The following LRRTM4 variants were observed in gnomAD, a reference collection of about 807,000 sequenced individuals.
LRRTM4 encodes leucine rich repeat transmembrane neuronal 4.
A neutral mutation model predicts 47.6 loss-of-function variants in LRRTM4; 25 were observed. The observed-to-expected ratio is 0.53, with a 90% CI of 0.38 to 0.73. LRRTM4 has a LOEUF of 0.73. LRRTM4 is among the 30% of genes least tolerant of loss of function. The pLI is 0.00. For synonymous variants in LRRTM4, 311 were observed against 269.5 expected (o/e 1.15, Z -1.51); for missense variants, 638 against 713.4 (o/e 0.89, Z 1.20).
chr2:77,371,601 A>G (rs139761838), intron 3 of LRRTM4, among the ~76,000 whole-genome samples: 519 of 151,926 alleles, frequency 3.4e-3, no homozygotes, highest in Non-Finnish European at 4.9e-3. Flanking sequence ...ATGACATAGA[A>G]TGAAGTGACC....
chr2:77,436,996 G>A (rs1296869174), intron 3 of LRRTM4, among the ~76,000 whole-genome samples: 1 of 151,718 alleles, frequency 6.6e-6, no homozygotes, highest in Non-Finnish European at 1.5e-5. Flanking sequence ...TTATCTATAA[G>A]AACTCTTATG....
At chr2:76,960,216 C>T (rs190313459) in intron 3 of LRRTM4, among the ~76,000 whole-genome samples, 236 of 151,654 alleles carry the variant, frequency 1.6e-3, no homozygotes, top group Middle Eastern at 6.8e-3. Context: ...TATAGAACAG[C>T]TATCTCGTGG....
chr2:76,994,464 T>G (rs1374394), intron 3 of LRRTM4, among the ~76,000 whole-genome samples: 40,298 of 151,526 alleles, frequency 0.27, 5,504 homozygotes, highest in East Asian at 0.41. Flanking sequence ...CTGATGTAAA[T>G]CAGCGTGAAG....
intron 3 of LRRTM4, among the ~76,000 whole-genome samples, chr2:77,038,756 C>T (rs966093238): frequency 4.6e-5 from 7 of 151,412 alleles, no homozygotes. Context: ...TCAAGTTATC[C>T]TGCAACACAA....
At chr2:77,446,012 C>T (rs183680040) in intron 3 of LRRTM4, among the ~76,000 whole-genome samples, 9 of 152,100 alleles carry the variant, frequency 5.9e-5, no homozygotes, top group Admixed American at 1.3e-4. Context: ...AAATATGGAG[C>T]ATGTTCTGAG....
At chr2:76,956,175 C>A (rs1387005606) in intron 3 of LRRTM4, among the ~76,000 whole-genome samples, 1 of 151,548 alleles carries the variant, frequency 6.6e-6, no homozygotes, top group African/African-American at 2.4e-5. Context: ...GAGGTGCCTC[C>A]AGGAAAGATC....
At chr2:77,513,576 T>C (rs1156409674) in intron 3 of LRRTM4, among the ~76,000 whole-genome samples, 1 of 97,948 alleles carries the variant, frequency 1.0e-5, no homozygotes, top group Non-Finnish European at 2.3e-5. Flanking sequence ...TTATATTTTA[T>C]TTGTTTATTT....
At chr2:77,037,080 C>T (rs1678862415) in intron 3 of LRRTM4, among the ~76,000 whole-genome samples, 1 of 151,618 alleles carries the variant, frequency 6.6e-6, no homozygotes, top group South Asian at 2.1e-4. Flanking sequence ...TTCCATTTCC[C>T]TCTCACCCAA....
chr2:77,165,445 C>A (rs1031742160), intron 3 of LRRTM4, among the ~76,000 whole-genome samples: 1 of 152,166 alleles, frequency 6.6e-6, no homozygotes, highest in African/African-American at 2.4e-5. Flanking sequence ...AGAGGGAATC[C>A]TTCCTAACTC....
At chr2:77,323,647 T>C (rs968808207) in intron 3 of LRRTM4, among the ~76,000 whole-genome samples, 1 of 152,138 alleles carries the variant, frequency 6.6e-6, no homozygotes, top group Admixed American at 6.6e-5. Flanking sequence ...ATTTCATAGC[T>C]AAGGAAACAG....
At chr2:76,757,238 C>G (rs986154082) in intron 3 of LRRTM4, among the ~76,000 whole-genome samples, 5 of 152,052 alleles carry the variant, frequency 3.3e-5, no homozygotes, top group Non-Finnish European at 7.4e-5. Flanking sequence ...AAAAATTTCT[C>G]TATAGCATTT....
At chr2:77,406,175 G>C (rs914477141) in intron 3 of LRRTM4, among the ~76,000 whole-genome samples, 17 of 151,810 alleles carry the variant, frequency 1.1e-4, no homozygotes, top group Admixed American at 1.1e-3. Context: ...GACAAAACAG[G>C]AAAATGAGAA....
At chr2:76,798,147 AT>A (rs897879967) in intron 3 of LRRTM4, among the ~76,000 whole-genome samples, 1 of 152,004 alleles carries the variant, frequency 6.6e-6, no homozygotes, top group East Asian at 1.9e-4. Flanking sequence ...CACAATATAC[AT>A]TTTTTTCAGC....
chr2:77,171,423 G>A (rs1037509896), intron 3 of LRRTM4, among the ~76,000 whole-genome samples: 6 of 151,884 alleles, frequency 4.0e-5, no homozygotes, highest in African/African-American at 1.4e-4. Context: ...ATTACAAGAG[G>A]CCGCCACCAC....
intron 3 of LRRTM4, among the ~76,000 whole-genome samples, chr2:77,261,030 A>G (rs1258368383): frequency 6.6e-6 from 1 of 152,060 alleles, no homozygotes; most frequent in Non-Finnish European, 1.5e-5. Context: ...TGGAGGAAGC[A>G]TGAGTATTGT....
intron 3 of LRRTM4, among the ~76,000 whole-genome samples, chr2:77,079,207 T>G (rs1052743948): frequency 1.3e-5 from 2 of 152,232 alleles, no homozygotes; most frequent in African/African-American, 2.4e-5. Context: ...ATTTGTACTT[T>G]ATGACTATTT....
intron 3 of LRRTM4, among the ~76,000 whole-genome samples, chr2:76,978,619 A>G (rs984868932): frequency 6.6e-6 from 1 of 152,058 alleles, no homozygotes; most frequent in African/African-American, 2.4e-5. Flanking sequence ...TCATTTATTC[A>G]ATCAACACAT....
intron 3 of LRRTM4, among the ~76,000 whole-genome samples, chr2:77,199,420 C>T (rs1206063203): frequency 6.6e-6 from 1 of 152,036 alleles, no homozygotes; most frequent in African/African-American, 2.4e-5. Context: ...GTGAGCTTAA[C>T]CATTTTGCTA....
intron 3 of LRRTM4, among the ~76,000 whole-genome samples, chr2:77,411,609 T>G (rs370987207): frequency 7.1e-6 from 1 of 141,126 alleles, no homozygotes; most frequent in African/African-American, 2.7e-5. Context: ...CCCGCCACCA[T>G]GCCCGGCTAT....
Sources: gnomAD v4.1 joint callset for allele counts (sites outside exome capture counted in the v4.1 genomes callset) on GRCh38, gnomAD v4.1.1 for gene constraint, MANE v1.5 for transcripts, NCBI Gene and HGNC (gene_info 2026-07-23, HGNC 2026-07-21) for gene names.